WDFY4: variants seen among roughly 807,000 people sequenced by gnomAD.
The protein encoded by WDFY4 is WDFY family member 4, also known as WD repeat- and FYVE domain-containing protein 4.
In WDFY4, 169 loss-of-function variants were observed where a neutral mutation model predicts 351.9. The observed-to-expected ratio is 0.48, with a 90% CI of 0.42 to 0.55. The LOEUF (loss-of-function observed/expected upper bound fraction) is 0.55, where lower values mean the gene tolerates loss of function less well. Among genes scored for constraint, WDFY4 ranks in the 20% least tolerant of loss-of-function variants. WDFY4 has a pLI of 0.00. For missense variants in WDFY4, 3,803 were observed against 3,935.6 expected, an observed-to-expected ratio of 0.97 and a Z score of 0.90; for synonymous variants, 1,622 against 1,574.6, an observed-to-expected ratio of 1.03 and a Z score of -0.71.
intron 15 of WDFY4, among the ~76,000 whole-genome samples, chr10:48,776,174 G>A (rs2066024759): frequency 1.3e-5 from 2 of 152,214 alleles, no homozygotes; most frequent in Non-Finnish European, 2.9e-5. Context: ...GAGCCTTGGA[G>A]GCCCAAGATG....
chr10:48,957,099 G>T, intron 51 of WDFY4, 30 bp from the exon 52 acceptor site: 1 of 1,539,254 alleles, frequency 6.5e-7, no homozygotes, highest in Non-Finnish European at 8.8e-7. Context: ...CAGTGAGAGC[G>T]GCTGGTCATG....
chr10:48,926,820 C>T lies in WDFY4; in HGVS notation c.7587-14986C>T, dbSNP rs1379754610. Among the ~76,000 whole-genome samples the T allele has an allele frequency of 3.9e-5, 6 of 152,298 alleles. No homozygotes were observed. The East Asian group carries it at 5.8e-4, about 15-fold the overall frequency. The stretch of plus-strand genomic sequence containing the variant: ...AGTTTATGGGGCACACATAATGCCA[C>T]GAGCCAGTTCACTTCATAGGCATGT... On this transcript the variant is annotated intron_variant, in intron 47 of 61. Transcript: ENST00000325239.
chr10:48,959,219 T>C (rs1265740459), intron 52 of WDFY4, among the ~76,000 whole-genome samples: 2 of 152,192 alleles, frequency 1.3e-5, no homozygotes, highest in Admixed American at 6.5e-5. Context: ...TCTAAAAACC[T>C]TGCTGTCCTC....
At chr10:48,757,785 A>T (rs1365798674) in intron 12 of WDFY4, among the ~76,000 whole-genome samples, 5 of 151,242 alleles carry the variant, frequency 3.3e-5, no homozygotes, top group African/African-American at 1.2e-4. Flanking sequence ...TAGTGCTTTC[A>T]ATAGGGACTG....
rs1407957385 is a variant in WDFY4 at position 48,709,804 on chromosome 10, T to C, written c.72T>C (p.Leu24=). The change falls in exon 2 of 62, where the codon CTT becomes CTC. Residue 24 remains leucine, a synonymous_variant. Transcript: ENST00000325239. The stretch of plus-strand genomic sequence containing the variant: ...CAGGTTCCAAAAATGAAGGGCAGCT[T>C]GCTGCTGTGCAGCCTGATGTCCCAC... ...EDPGSKNEGQ[L]AAVQPDVPHG... 2.1e-5 allele frequency: 32 copies of C among 1,551,792 alleles called. No individual in the cohort carries two copies. Among genetic ancestry groups the C allele is most frequent in the Non-Finnish European group, 2.6e-5 (30 of 1,147,038 alleles).
At chr10:48,852,592 C>A (rs761352918) in intron 39 of WDFY4, among the ~76,000 whole-genome samples, 5 of 152,166 alleles carry the variant, frequency 3.3e-5, no homozygotes, top group Non-Finnish European at 7.3e-5. Flanking sequence ...CTGCTCAGCT[C>A]TCAGGAGAAG....
In WDFY4 at chr10:48,742,983, C is replaced by A; in HGVS notation, c.1894C>A (p.Leu632Met). 1 of 1,547,220 alleles carries A rather than the reference C, an allele frequency of 6.5e-7. No homozygotes were observed. Among genetic ancestry groups the A allele is most frequent in the South Asian group, 1.2e-5 (1 of 84,038 alleles). Residue 632 changes from leucine to methionine, a missense_variant, in exon 12 of 62, where the codon CTG becomes ATG. By Grantham distance (15) the Leu-to-Met change is conservative. Coordinates refer to ENST00000325239, the MANE Select transcript of WDFY4 (RefSeq NM_001394531.1). ...GGTGTTTCAGTCTCTGCTCCGGATCCTGGTGACCCCCAAGGGTCGTGCTGC... is the reference window on the plus strand; with the variant it reads ...GGTGTTTCAGTCTCTGCTCCGGATCATGGTGACCCCCAAGGGTCGTGCTGC... Reference protein sequence around the residue: ...LDLLKSLLRILVTPKGRAAFR... With the variant: ...LDLLKSLLRIMVTPKGRAAFR...
chr10:48,906,010 G>C (rs900879062), intron 47 of WDFY4, among the ~76,000 whole-genome samples: 1 of 152,304 alleles, frequency 6.6e-6, no homozygotes, highest in Middle Eastern at 3.4e-3. Flanking sequence ...GGCAGTGGTG[G>C]CCCTCAGCCT....
intron 39 of WDFY4, among the ~76,000 whole-genome samples, chr10:48,851,933 C>G (rs1297705735): frequency 6.6e-6 from 1 of 152,242 alleles, no homozygotes; most frequent in African/African-American, 2.4e-5. Context: ...GCTTTGCCTC[C>G]CAAATCTCCA....
At chr10:48,900,152 G>A (rs1055303092) in intron 45 of WDFY4, 69 bp from the exon 46 acceptor site, 7 of 1,391,224 alleles carry the variant, frequency 5.0e-6, no homozygotes, top group Middle Eastern at 1.8e-4. Context: ...ATTTCCAGCA[G>A]CTGTGTCACC....
Position 48,974,937 on chromosome 10 carries a change from C to T in WDFY4, c.9004C>T (p.Gln3002Ter). The T allele has an allele frequency of 6.4e-7, 1 of 1,551,686 alleles. No individual in the cohort carries two copies. Among genetic ancestry groups the T allele is most frequent in the Non-Finnish European group, 8.7e-7 (1 of 1,146,992 alleles). The change falls in exon 58 of 62, where the codon CAG becomes TAG. Residue 3002 changes from glutamine to a stop codon, truncating the protein, a stop_gained. Transcript: ENST00000325239. LOFTEE classifies it high-confidence loss of function. ...CTTCAGCCTCCTGGTGAGCGGCTCC[C>T]AGGACTGCACCTGTATCCTGTGGGA... Reference protein sequence around the residue: ...VTFSLLVSGSQDCTCILWDLD... With the variant: ...VTFSLLVSGS
intron 12 of WDFY4, among the ~76,000 whole-genome samples, chr10:48,745,376 G>C (rs1267924391): frequency 6.6e-6 from 1 of 152,124 alleles, no homozygotes; most frequent in Non-Finnish European, 1.5e-5. Flanking sequence ...CATGTGCTTG[G>C]AAATAATGCA....
intron 54 of WDFY4, among the ~76,000 whole-genome samples, chr10:48,964,528 C>A (rs537763762): frequency 2.6e-5 from 4 of 152,198 alleles, no homozygotes; most frequent in Non-Finnish European, 5.9e-5. Context: ...TAAATAAATA[C>A]CTTGCCTAGA....
At chr10:48,973,199 G>A (rs945479646) in intron 57 of WDFY4, among the ~76,000 whole-genome samples, 3 of 152,160 alleles carry the variant, frequency 2.0e-5, no homozygotes, top group African/African-American at 4.8e-5. Flanking sequence ...TCCCTTCTCT[G>A]TTCTCTTTGG....
intron 12 of WDFY4, among the ~76,000 whole-genome samples, chr10:48,757,618 G>A (rs1449591188): frequency 6.6e-6 from 1 of 151,774 alleles, no homozygotes; most frequent in African/African-American, 2.4e-5. Context: ...TTAGGTTCAG[G>A]ATTTTATTGT....
At chr10:48,734,387 A>G (rs1263759482) in intron 10 of WDFY4, among the ~76,000 whole-genome samples, 1 of 152,138 alleles carries the variant, frequency 6.6e-6, no homozygotes, top group Non-Finnish European at 1.5e-5. Context: ...ATACGGGCAA[A>G]GAAATCTAGC....
At chr10:48,931,048 A>T (rs561576848) in intron 47 of WDFY4, among the ~76,000 whole-genome samples, 58 of 152,084 alleles carry the variant, frequency 3.8e-4, no homozygotes, top group African/African-American at 1.4e-3. Context: ...ATCTATTTCT[A>T]ACCAGAAAAA....
Position 48,774,441 on chromosome 10 carries a change from G to C in WDFY4, c.2554-17G>C. ...TTCTGCCCTGGAGGGCTCACAGCTT[G>C]CTTTGGTCACTCTTAGCTTTCCGAG... On this transcript the variant is annotated splice_polypyrimidine_tract_variant and intron_variant, in intron 13 of 61. Transcript: ENST00000325239. The C allele has an allele frequency of 6.4e-7, 1 of 1,551,564 alleles. No homozygotes were observed. Among genetic ancestry groups the C allele is most frequent in the Non-Finnish European group, 8.7e-7 (1 of 1,146,962 alleles).
intron 12 of WDFY4, among the ~76,000 whole-genome samples, chr10:48,746,688 G>A (rs2065025003): frequency 6.6e-6 from 1 of 151,848 alleles, no homozygotes; most frequent in Non-Finnish European, 1.5e-5. Flanking sequence ...CTACCTACTA[G>A]TATGAAATTT....
Sources: gnomAD v4.1 joint callset for allele counts (sites outside exome capture counted in the v4.1 genomes callset) on GRCh38, gnomAD v4.1.1 for gene constraint, MANE v1.5 for transcripts, NCBI Gene and HGNC (gene_info 2026-07-23, HGNC 2026-07-21) for gene names.